The following WWOX variants were observed in gnomAD, a reference collection of about 807,000 sequenced individuals.
WWOX encodes the protein WW domain-containing oxidoreductase.
A neutral mutation model predicts 46.2 loss-of-function variants in WWOX; 69 were observed. The ratio of observed to expected loss-of-function variants is 1.49; its 90% CI spans 1.23 to 1.82. The LOEUF (loss-of-function observed/expected upper bound fraction) is 1.82, where lower values mean the gene tolerates loss of function less well. Among genes scored for constraint, WWOX ranks in the 40% most tolerant of loss-of-function variants. The probability of loss-of-function intolerance (pLI) is 0.00; values close to 1 mark genes in which losing one functional copy is unlikely to be tolerated. For synonymous variants in WWOX, 359 were observed against 202.6 expected (o/e 1.77, Z -6.56); for missense variants, 919 against 542.6 (o/e 1.69, Z -6.89).
At chr16:78,363,637 A>G (rs2081463809) in intron 5 of WWOX, among the ~76,000 whole-genome samples, 1 of 152,068 alleles carries the variant, frequency 6.6e-6, no homozygotes, top group Non-Finnish European at 1.5e-5. Flanking sequence ...AGAAGGTAAG[A>G]TATTCCCCTT....
chr16:78,594,134 C>G (rs986678208), intron 8 of WWOX, among the ~76,000 whole-genome samples: 1 of 152,082 alleles, frequency 6.6e-6, no homozygotes, highest in African/African-American at 2.4e-5. Flanking sequence ...CTCCTCCTGG[C>G]TTATTAATGC....
chr16:78,853,626 T>C (rs1597723614), intron 8 of WWOX, among the ~76,000 whole-genome samples: 1 of 152,180 alleles, frequency 6.6e-6, no homozygotes, highest in East Asian at 1.9e-4. Context: ...GAAAAACCTG[T>C]AGTACTTCGC....
chr16:78,421,099 T>C (rs2082917566), intron 6 of WWOX, among the ~76,000 whole-genome samples: 1 of 152,182 alleles, frequency 6.6e-6, no homozygotes, highest in Admixed American at 6.5e-5. Context: ...CATAAACGTT[T>C]ATATGAATTT....
intron 8 of WWOX, among the ~76,000 whole-genome samples, chr16:78,813,054 G>C (rs2051232199): frequency 6.6e-6 from 1 of 150,786 alleles, no homozygotes; most frequent in African/African-American, 2.4e-5. Flanking sequence ...TCTAGTTATA[G>C]GAAAATACTG....
At chr16:79,038,174 A>G (rs1038399755) in intron 8 of WWOX, among the ~76,000 whole-genome samples, 14 of 151,904 alleles carry the variant, frequency 9.2e-5, no homozygotes, top group African/African-American at 3.1e-4. Context: ...CCACCTGCAC[A>G]CTTTTTTTTT....
At chr16:78,954,348 T>A (rs961086240) in intron 8 of WWOX, among the ~76,000 whole-genome samples, 1 of 151,824 alleles carries the variant, frequency 6.6e-6, no homozygotes, top group African/African-American at 2.4e-5. Flanking sequence ...GGTTGGATGG[T>A]TGGATAATTG....
At chr16:78,994,051 C>T (rs1012748126) in intron 8 of WWOX, among the ~76,000 whole-genome samples, 1 of 152,196 alleles carries the variant, frequency 6.6e-6, no homozygotes. Flanking sequence ...TTTGACTCTG[C>T]TTAGCCACTG....
At chr16:79,133,066 C>G (rs1597403686) in intron 8 of WWOX, among the ~76,000 whole-genome samples, 1 of 152,220 alleles carries the variant, frequency 6.6e-6, no homozygotes, top group Non-Finnish European at 1.5e-5. Flanking sequence ...AAAACACATA[C>G]ATGCAAGTGA....
chr16:78,172,464 T>G (rs370688497), intron 5 of WWOX, among the ~76,000 whole-genome samples: 17 of 152,210 alleles, frequency 1.1e-4, no homozygotes, highest in African/African-American at 3.9e-4. Flanking sequence ...GTCTCCAGAA[T>G]ACCTAAAACT....
chr16:78,811,563 G>A (rs1159801436), intron 8 of WWOX, among the ~76,000 whole-genome samples: 2 of 150,962 alleles, frequency 1.3e-5, no homozygotes, highest in Non-Finnish European at 2.9e-5. Context: ...GAGAAACGGG[G>A]TTTCACCATG....
intron 6 of WWOX, among the ~76,000 whole-genome samples, chr16:78,416,516 G>A (rs761770721): frequency 6.6e-6 from 1 of 152,216 alleles, no homozygotes; most frequent in Non-Finnish European, 1.5e-5. Flanking sequence ...AATTTGGTGA[G>A]AGAGGAAAGG....
intron 4 of WWOX, among the ~76,000 whole-genome samples, chr16:78,157,058 C>T (rs1476621887): frequency 6.6e-6 from 1 of 152,132 alleles, no homozygotes; most frequent in Non-Finnish European, 1.5e-5. Context: ...CTCATTTCCA[C>T]TCTCTTACAT....
intron 8 of WWOX, among the ~76,000 whole-genome samples, chr16:78,446,869 C>T (rs1260560119): frequency 2.6e-5 from 4 of 152,048 alleles, no homozygotes; most frequent in African/African-American, 9.6e-5. Context: ...CCATGTTCAC[C>T]AGGCTGGACA....
At chr16:79,031,159 C>T (rs1438830843) in intron 8 of WWOX, among the ~76,000 whole-genome samples, 1 of 151,856 alleles carries the variant, frequency 6.6e-6, no homozygotes, top group Admixed American at 6.6e-5. Context: ...ATGTCAAGGC[C>T]AACTCTTATG....
chr16:78,376,040 G>C (rs1158122501), intron 5 of WWOX, among the ~76,000 whole-genome samples: 1 of 151,876 alleles, frequency 6.6e-6, no homozygotes, highest in Non-Finnish European at 1.5e-5. Flanking sequence ...TGTAGAGATG[G>C]GGTTTCACCA....
intron 8 of WWOX, among the ~76,000 whole-genome samples, chr16:78,729,175 C>T (rs761246031): frequency 9.3e-5 from 14 of 150,950 alleles, no homozygotes; most frequent in Admixed American, 7.3e-4. Context: ...AAACCTTATC[C>T]GTAAAAAAAA....
intron 8 of WWOX, among the ~76,000 whole-genome samples, chr16:78,796,312 A>G (rs572219741): frequency 4.6e-5 from 7 of 152,354 alleles, no homozygotes; most frequent in African/African-American, 1.4e-4. Flanking sequence ...GGAGCCTCCA[A>G]ATCCTCTGCT....
chr16:78,343,228 T>C (rs9929592), intron 5 of WWOX, among the ~76,000 whole-genome samples: 27,088 of 119,122 alleles, frequency 0.23, 8,679 homozygotes, highest in African/African-American at 0.38. Flanking sequence ...GGTCTTCTTA[T>C]TCTGTGTGTG....
At chr16:78,511,341 G>A (rs193223549) in intron 8 of WWOX, among the ~76,000 whole-genome samples, 1,761 of 152,254 alleles carry the variant, frequency 0.012, 31 homozygotes, top group Middle Eastern at 0.041. Context: ...GACCGTTGAC[G>A]AAGGATTTGA....
Sources: gnomAD v4.1 joint callset for allele counts (sites outside exome capture counted in the v4.1 genomes callset) on GRCh38, gnomAD v4.1.1 for gene constraint, MANE v1.5 for transcripts, NCBI Gene and HGNC (gene_info 2026-07-23, HGNC 2026-07-21) for gene names.